FAM186B: variants seen among roughly 807,000 people sequenced by gnomAD.
FAM186B encodes the protein family with sequence similarity 186 member B.
Under a neutral mutation model 83.4 loss-of-function variants are expected in FAM186B, and 68 were observed. The ratio of observed to expected loss-of-function variants is 0.81; its 90% CI spans 0.67 to 1.00. The LOEUF (loss-of-function observed/expected upper bound fraction) is 1.00, where lower values mean the gene tolerates loss of function less well. Ranked by LOEUF, FAM186B falls within the 50% of genes least tolerant of loss-of-function variation. The pLI is 0.00. For synonymous variants in FAM186B, 389 were observed against 422.0 expected (o/e 0.92, Z 0.96); for missense variants, 983 against 1,099.2 (o/e 0.89, Z 1.49).
chr12:49,620,447 A>G, the FAM186B span, among the ~76,000 whole-genome samples: 1 of 152,098 alleles, frequency 6.6e-6, no homozygotes, highest in African/African-American at 2.4e-5. Context: ...AGGCAGGTGG[A>G]TCACGAGGTC....
chr12:49,595,084 A>G (rs1939682882), intron 5 of FAM186B: 1 of 274,696 alleles, frequency 3.6e-6, no homozygotes, highest in Non-Finnish European at 7.2e-6. Flanking sequence ...AAGTCTTAGT[A>G]TAAAATAGTT....
upstream of FAM186B, among the ~76,000 whole-genome samples, chr12:49,606,979 A>G (rs547728115): frequency 1.4e-4 from 21 of 152,368 alleles, no homozygotes; most frequent in South Asian, 4.3e-3. Context: ...GATCTTTGGA[A>G]AATTCCCAAA....
intron 3 of FAM186B, among the ~76,000 whole-genome samples, chr12:49,601,715 C>T (rs931217854): frequency 2.6e-5 from 4 of 151,852 alleles, no homozygotes; most frequent in Admixed American, 6.6e-5. Flanking sequence ...CAGGAAAATG[C>T]ACTACACACA....
Position 49,603,309 on chromosome 12 carries a change from C to G in FAM186B, c.381G>C (p.Leu127=). ...TCTCCGTCACTTCAATCCATTCGTC[C>G]AGAGCTGCTGCTTCCTCTTCACTCT... ...PRKSEEEAAA[L]DEWIEVTEKV... Residue 127 remains leucine, a synonymous_variant, in exon 3 of 7, where the codon CTG becomes CTC. Transcript: ENST00000257894. 1.2e-6 allele frequency: 2 copies of G among 1,614,212 alleles called. No homozygotes were observed. The highest frequency in any genetic ancestry group is 1.7e-6 in the Non-Finnish European group (2 of 1,180,042).
At chr12:49,613,888 C>T in the FAM186B span, among the ~76,000 whole-genome samples, 1 of 151,754 alleles carries the variant, frequency 6.6e-6, no homozygotes, top group African/African-American at 2.4e-5. Context: ...GTGGCTCACA[C>T]CCGTAACCCT....
intron 5 of FAM186B, chr12:49,595,160 G>A: frequency 2.3e-6 from 1 of 439,446 alleles, no homozygotes; most frequent in Non-Finnish European, 4.4e-6. Flanking sequence ...GGCTAAAGGA[G>A]CAGAGGAAAT....
intron 5 of FAM186B, among the ~76,000 whole-genome samples, chr12:49,593,648 AAAAG>A (rs1311044768): frequency 2.0e-5 from 3 of 149,420 alleles, no homozygotes; most frequent in Non-Finnish European, 4.5e-5. Flanking sequence ...AAAAAAAAAG[AAAAG>A]AAAGAGGGCC....
At chr12:49,594,608 C>T (rs1166152703) in intron 5 of FAM186B, among the ~76,000 whole-genome samples, 1 of 152,206 alleles carries the variant, frequency 6.6e-6, no homozygotes, top group Non-Finnish European at 1.5e-5. Context: ...GGTGTGGTGG[C>T]TCACGCCTGT....
chr12:49,605,385 T>G lies in FAM186B; in HGVS notation c.93A>C (p.Gln31His), dbSNP rs1303125255. 6 of 1,612,400 alleles carry G rather than the reference T, an allele frequency of 3.7e-6. No homozygotes were observed. In the East Asian group the frequency reaches 1.3e-4, roughly 36 times the overall value. ...RIEAAQLTRA[Q>H]EDISTQLSDI... ...ATTCCTTCATCTCAGGGGCTACCTCTTGAGCCCGAGTTAGCTGGGCAGCCT... is the reference window on the plus strand; with the variant it reads ...ATTCCTTCATCTCAGGGGCTACCTCGTGAGCCCGAGTTAGCTGGGCAGCCT... Residue 31 changes from glutamine to histidine, a missense_variant, in exon 1 of 7, where the codon CAA becomes CAC. Transcript: ENST00000257894.
chr12:49,601,006 CCTCCGAGGCCTT>C lies in FAM186B; in HGVS notation c.622_633del (p.Lys208_Glu211del). 6.2e-7 allele frequency: 1 copy of C among 1,614,194 alleles called. No individual in the cohort carries two copies. The highest frequency in any genetic ancestry group is 8.5e-7 in the Non-Finnish European group (1 of 1,180,030). On this transcript the variant is annotated inframe_deletion, in exon 4 of 7. Transcript: ENST00000257894. ...AGGAGCTCCTGCAGCATGGACGTCA[CCTCCGAGGCCTT>C]CGTGTTCATGGTATGCTGGTCCTGG...
At chr12:49,610,918 C>T in the FAM186B span, among the ~76,000 whole-genome samples, 1 of 151,974 alleles carries the variant, frequency 6.6e-6, no homozygotes, top group Non-Finnish European at 1.5e-5. Context: ...CTAACCTAGT[C>T]AGACAAATAT....
upstream of FAM186B, among the ~76,000 whole-genome samples, chr12:49,607,489 T>G (rs1255367982): frequency 6.6e-6 from 1 of 152,040 alleles, no homozygotes; most frequent in East Asian, 1.9e-4. Context: ...AAAAAAAAGC[T>G]TTGAATATCC....
chr12:49,601,262 C>T lies in FAM186B; in HGVS notation c.506-128G>A, dbSNP rs1026756955. On this transcript the variant is annotated intron_variant, in intron 3 of 6. Coordinates refer to ENST00000257894, the MANE Select transcript of FAM186B (RefSeq NM_032130.3). ...ATTTGGCGAGAGTAGGGAGCTGGGG[C>T]TGTATATGGGGCCAGGGACAGTGCT... 1.0e-5 allele frequency: 13 copies of T among 1,287,576 alleles called. No homozygotes were observed. The African/African-American group carries it at 1.5e-4, about 15-fold the overall frequency. 79.8% of individuals were successfully genotyped at this position (1,287,576 alleles called of 1,614,324 possible). A position where few individuals can be genotyped will look rare whatever the true frequency, so the allele number is the denominator to read the frequency against.
Position 49,599,644 on chromosome 12 carries a change from T to C in FAM186B, c.1996A>G (p.Met666Val), listed in dbSNP as rs1162013262. ...NIKKKVYHMD[M>V]EAQRKNLQLL... ...TGCAGGTTCTTCCTCTGGGCCTCCA[T>C]GTCCATGTGGTACACCTTCTTCTTA... is the stretch of plus-strand genomic sequence containing the variant. Residue 666 changes from methionine to valine, a missense_variant, in exon 4 of 7, where the codon ATG becomes GTG. Met to Val is a conservative substitution (Grantham distance 21). Coordinates refer to ENST00000257894, the MANE Select transcript of FAM186B (RefSeq NM_032130.3). 3 of 1,607,392 alleles carry C rather than the reference T, an allele frequency of 1.9e-6. No homozygotes were observed. The highest frequency in any genetic ancestry group is 2.5e-6 in the Non-Finnish European group (3 of 1,176,860).
At chr12:49,608,877 T>C (rs1159512390), upstream of FAM186B, among the ~76,000 whole-genome samples, 1 of 151,834 alleles carries the variant, frequency 6.6e-6, no homozygotes, top group African/African-American at 2.4e-5. Context: ...CTTGAGAAGA[T>C]ATTTGGAGAC....
intron 5 of FAM186B, among the ~76,000 whole-genome samples, chr12:49,592,475 AAAT>A (rs1261133158): frequency 6.6e-6 from 1 of 151,632 alleles, no homozygotes. Context: ...CTGTCTCAAA[AAAT>A]AATAATAATA....
At chr12:49,605,332 C>A (rs1939989315) in intron 1 of FAM186B, 50 bp downstream of exon 1, 9 of 1,578,394 alleles carry the variant, frequency 5.7e-6, no homozygotes, top group Non-Finnish European at 7.8e-6. Flanking sequence ...AGCCCCCAGT[C>A]TCCGCATCAG....
the FAM186B span, among the ~76,000 whole-genome samples, chr12:49,618,812 G>A: frequency 3.9e-5 from 6 of 152,226 alleles, no homozygotes; most frequent in Non-Finnish European, 7.3e-5. Flanking sequence ...AGTAATAGGA[G>A]TTCCAAAAAG....
intron 5 of FAM186B, among the ~76,000 whole-genome samples, chr12:49,591,747 C>T (rs1000521519): frequency 1.2e-4 from 18 of 152,074 alleles, no homozygotes; most frequent in Admixed American, 8.5e-4. Flanking sequence ...CTCACAGGCA[C>T]CAAAATTTGT....
Sources: gnomAD v4.1 joint callset for allele counts (sites outside exome capture counted in the v4.1 genomes callset) on GRCh38, gnomAD v4.1.1 for gene constraint, MANE v1.5 for transcripts, NCBI Gene and HGNC (gene_info 2026-07-23, HGNC 2026-07-21) for gene names.